CACNA1H: variants seen among roughly 807,000 people sequenced by gnomAD.
The protein encoded by CACNA1H is calcium voltage-gated channel subunit alpha1 H.
CACNA1H carries 149 observed loss-of-function variants against 192.5 expected under a neutral mutation model. The observed-to-expected ratio is 0.77, with a 90% CI of 0.68 to 0.89. The LOEUF (loss-of-function observed/expected upper bound fraction) is 0.89, where lower values mean the gene tolerates loss of function less well. Among genes scored for constraint, CACNA1H ranks in the 40% least tolerant of loss-of-function variants. The pLI is 0.00. For missense variants in CACNA1H, 4,257 were observed against 3,423.5 expected (o/e 1.24, Z -6.08); for synonymous variants, 2,202 against 1,475.2 (o/e 1.49, Z -11.29).
chr16:1,200,746 A>G lies in CACNA1H; in HGVS notation c.1150A>G (p.Met384Val), dbSNP rs1263115624. 4 of 1,560,280 alleles carry G rather than the reference A, an allele frequency of 2.6e-6. No homozygotes were observed. Among genetic ancestry groups the G allele is most frequent in the Admixed American group, 1.9e-5 (1 of 51,892 alleles). ...VITLEGWVDI[M>V]YYVMDAHSFY... ...CACGCTGGAAGGCTGGGTGGACATC[A>G]TGTACTACGTCATGGACGCCCACTC... Residue 384 changes from methionine to valine, a missense_variant, in exon 8 of 35, where the codon ATG (methionine) becomes GTG (valine). By Grantham distance (21) the Met-to-Val change is conservative (BLOSUM62 1). Transcript: ENST00000348261.
intron 16 of CACNA1H, 21 bp from the exon 17 acceptor site, chr16:1,209,011 C>G (rs781287879): frequency 6.1e-6 from 9 of 1,476,838 alleles, no homozygotes; most frequent in Non-Finnish European, 1.8e-6. Context: ...CACCAGGTCA[C>G]TGACTCCCGC....
At chr16:1,213,394 G>C (rs1969685346) in intron 26 of CACNA1H, among the ~76,000 whole-genome samples, 1 of 152,010 alleles carries the variant, frequency 6.6e-6, no homozygotes, top group East Asian at 1.9e-4. Flanking sequence ...AGGGGGGCGG[G>C]CCCTGCCAGG....
At chr16:1,186,535 G>C (rs553414619) in intron 2 of CACNA1H, among the ~76,000 whole-genome samples, 2 of 152,044 alleles carry the variant, frequency 1.3e-5, no homozygotes, top group African/African-American at 4.8e-5. Flanking sequence ...CTCATCCTCC[G>C]GCGATTCCCT....
intron 9 of CACNA1H, among the ~76,000 whole-genome samples, chr16:1,203,202 G>C (rs1245095474): frequency 1.3e-5 from 2 of 152,190 alleles, no homozygotes; most frequent in East Asian, 1.9e-4. Context: ...TTGAATTGTG[G>C]GAGTCCAGCC....
chr16:1,217,784 G>T (rs745738750), intron 31 of CACNA1H, 135 bp from the exon 32 acceptor site: 422 of 1,237,216 alleles, frequency 3.4e-4, no homozygotes, highest in Non-Finnish European at 4.4e-4. Context: ...AGGGCGAACC[G>T]CCAGGGCCTC....
chr16:1,199,978 T>C (rs2141238157), intron 6 of CACNA1H, among the ~76,000 whole-genome samples: 1 of 152,292 alleles, frequency 6.6e-6, no homozygotes, highest in Middle Eastern at 3.4e-3. Flanking sequence ...TCTTTGTGTG[T>C]TTGTCTCTGT....
intron 2 of CACNA1H, among the ~76,000 whole-genome samples, chr16:1,155,365 C>G (rs972878177): frequency 6.6e-6 from 1 of 152,170 alleles, no homozygotes; most frequent in African/African-American, 2.4e-5. Context: ...GCAGGCCCGG[C>G]CTTGAAGAGC....
chr16:1,203,864 C>T (rs1334123580), intron 9 of CACNA1H, 146 bp from the exon 10 acceptor site: 2 of 611,792 alleles, frequency 3.3e-6, no homozygotes, highest in Admixed American at 3.0e-5. Flanking sequence ...TCTGTGAAGT[C>T]CAGTCACAGG....
chr16:1,191,411 C>T (rs1396015559), intron 2 of CACNA1H, among the ~76,000 whole-genome samples: 7 of 88,052 alleles, frequency 7.9e-5, no homozygotes, highest in African/African-American at 2.6e-4. Flanking sequence ...GGTGACCCAG[C>T]AGGCTGGCCT....
chr16:1,156,236 A>G (rs999020657), intron 2 of CACNA1H, among the ~76,000 whole-genome samples: 8 of 152,186 alleles, frequency 5.3e-5, no homozygotes, highest in African/African-American at 1.7e-4. Context: ...TCCAGGAGAC[A>G]TGGGAAGCAG....
intron 2 of CACNA1H, among the ~76,000 whole-genome samples, chr16:1,160,816 T>G (rs903808330): frequency 6.6e-6 from 1 of 152,036 alleles, no homozygotes; most frequent in Non-Finnish European, 1.5e-5. Flanking sequence ...GATCCTTGGG[T>G]GGGTGTGGCC....
intron 18 of CACNA1H, 33 bp from the exon 19 acceptor site, chr16:1,210,333 GCCCC>G: frequency 7.6e-7 from 1 of 1,320,228 alleles, no homozygotes; most frequent in Non-Finnish European, 1.0e-6. Context: ...CATCCACGCC[GCCCC>G]GCCCCACCTC....
At position 1,194,892 on chromosome 16, in the gene CACNA1H, C is replaced by T. The variant is rs57052347; in HGVS notation, c.300-80C>T. On this transcript the variant is annotated intron_variant, in intron 2 of 34. Coordinates refer to ENST00000348261, the MANE Select transcript of CACNA1H (RefSeq NM_021098.3). Reference sequence around the variant, plus strand: ...GCGCACACCCGTGGCGGGGCTCCGGCTGACCGGGTGGGCATTTGGAGGGCC... The same window carrying T: ...GCGCACACCCGTGGCGGGGCTCCGGTTGACCGGGTGGGCATTTGGAGGGCC... The T allele has an allele frequency of 7.1e-4, 755 of 1,061,258 alleles. 2 individuals carry two copies. The highest frequency in any genetic ancestry group is 1.3e-3 in the Admixed American group (77 of 58,350). 65.7% of individuals were successfully genotyped at this position (1,061,258 alleles called of 1,614,324 possible).
intron 5 of CACNA1H, among the ~76,000 whole-genome samples, chr16:1,196,719 G>A (rs754712345): frequency 1.3e-5 from 2 of 152,192 alleles, no homozygotes; most frequent in Non-Finnish European, 2.9e-5. Flanking sequence ...TGTGCGCTGG[G>A]TGTGAGGGGA....
Position 1,221,165 on chromosome 16 carries a change from AG to A in CACNA1H, c.*172del, listed in dbSNP as rs1970455206. 1.8e-6 allele frequency: 1 copy of A among 555,802 alleles called. No individual in the cohort carries two copies. 34.4% of individuals were successfully genotyped at this position (555,802 alleles called of 1,614,324 possible). ...GTTCTCTGCCCAGCGAAGCAGGAGTAGCTGCCGGGCCCCACGAGCCTCCGTC... is the reference window on the plus strand; with the variant it reads ...GTTCTCTGCCCAGCGAAGCAGGAGTACTGCCGGGCCCCACGAGCCTCCGTC... On this transcript the variant is annotated 3_prime_UTR_variant, in exon 35 of 35. Coordinates refer to ENST00000348261, the MANE Select transcript of CACNA1H (RefSeq NM_021098.3).
chr16:1,185,501 TC>T (rs1198600559), intron 2 of CACNA1H, among the ~76,000 whole-genome samples: 1,678 of 117,058 alleles, frequency 0.014, 46 homozygotes, highest in African/African-American at 0.045. Flanking sequence ...ATCTGCAGAG[TC>T]CCCCCCCCCG....
chr16:1,168,249 C>T (rs981357950), intron 2 of CACNA1H, among the ~76,000 whole-genome samples: 3 of 152,010 alleles, frequency 2.0e-5, no homozygotes, highest in Admixed American at 6.5e-5. Flanking sequence ...CCACCATGTC[C>T]AGTCTGTTTG....
In CACNA1H at chr16:1,218,975, G is replaced by A. The variant is rs748947682; in HGVS notation, c.5893G>A (p.Val1965Ile). 1.3e-5 allele frequency: 20 copies of A among 1,549,956 alleles called. 1 individual carries two copies. The highest frequency in any genetic ancestry group is 1.1e-4 in the South Asian group (9 of 84,048). ...TAGATTCTTCCCTGCCCCAGGCTCCGTTGCCTCTGTGCACTCTCCGCCCGC... is the reference window on the plus strand; with the variant it reads ...TAGATTCTTCCCTGCCCCAGGCTCCATTGCCTCTGTGCACTCTCCGCCCGC... The part of the protein sequence containing the change: ...TYGAGTPLGS[V>I]ASVHSPPAES... Residue 1965 changes from valine to isoleucine, a missense_variant, in exon 34 of 35, where the codon GTT becomes ATT. Coordinates refer to ENST00000348261, the MANE Select transcript of CACNA1H (RefSeq NM_021098.3).
chr16:1,179,145 C>G (rs1253929517), intron 2 of CACNA1H, among the ~76,000 whole-genome samples: 1 of 152,196 alleles, frequency 6.6e-6, no homozygotes, highest in African/African-American at 2.4e-5. Flanking sequence ...ACAGCAGAGC[C>G]ACCCCTGGCT....
Sources: allele counts gnomAD v4.1 joint callset (sites outside exome capture counted in the v4.1 genomes callset), GRCh38; gene constraint gnomAD v4.1.1; transcripts MANE v1.5; gene names NCBI Gene and HGNC (gene_info 2026-07-23, HGNC 2026-07-21).